The following PLB1 variants were observed in gnomAD, a reference collection of about 807,000 sequenced individuals.
The protein encoded by PLB1 is phospholipase B1, also known as phospholipase B1, membrane-associated.
A neutral mutation model predicts 227.4 loss-of-function variants in PLB1; 242 were observed. That is an observed-to-expected ratio of 1.06 (90% CI 0.96 to 1.18). The LOEUF (loss-of-function observed/expected upper bound fraction) is 1.18. Among genes scored for constraint, PLB1 ranks in the 50% most tolerant of loss-of-function variants. The pLI is 0.00. For missense variants in PLB1, 1,858 were observed against 1,816.3 expected (o/e 1.02, Z -0.42); for synonymous variants, 757 against 682.2 (o/e 1.11, Z -1.71).
intron 51 of PLB1, among the ~76,000 whole-genome samples, chr2:28,626,763 G>A (rs2148334232): frequency 6.6e-6 from 1 of 152,296 alleles, no homozygotes; most frequent in Non-Finnish European, 1.5e-5. Flanking sequence ...CCCACTGTAG[G>A]CACTGCTGAG....
chr2:28,539,301 C>A, intron 11 of PLB1, 123 bp downstream of exon 11: 1 of 871,050 alleles, frequency 1.1e-6, no homozygotes, highest in Non-Finnish European at 1.9e-6. Flanking sequence ...CAAAGGAGGC[C>A]GAGAAACACA....
chr2:28,548,852 C>T lies in PLB1; in HGVS notation c.937-8C>T, dbSNP rs1359051620. 1.5e-5 allele frequency: 24 copies of T among 1,613,950 alleles called. No homozygotes were observed. The highest frequency in any genetic ancestry group is 2.0e-5 in the Non-Finnish European group (24 of 1,179,978). The stretch of plus-strand genomic sequence containing the variant: ...CTTCCCTGTTCTAAAGCCCACGTTC[C>T]TTTCTAGATGGAGCCAGCAGGAGAG... On this transcript the variant is annotated splice_region_variant and splice_polypyrimidine_tract_variant and intron_variant, in intron 14 of 57. Transcript: ENST00000327757.
At position 28,589,456 on chromosome 2, in the gene PLB1, A is replaced by T. The variant is rs146254449; in HGVS notation, c.1822A>T (p.Thr608Ser). The T allele has an allele frequency of 3.0e-5, 49 of 1,613,928 alleles. No individual in the cohort carries two copies. The African/African-American group carries it at 6.4e-4, about 21-fold the overall frequency. The change falls in exon 27 of 58, where the codon ACC (threonine) becomes TCC (serine). Residue 608 changes from threonine (T) to serine (S), a missense_variant. Transcript: ENST00000327757. ...IEFNKKFQEK[T>S]HQLIESGRYD... is the part of the protein sequence containing the mutation. ...TCCCCTTTTCCTCCTGCAGGAGAAG[A>T]CCCACCAACTGATTGAGAGTGGGCG...
intron 9 of PLB1, 54 bp from the exon 10 acceptor site, chr2:28,538,265 C>A (rs974830683): frequency 6.2e-7 from 1 of 1,612,502 alleles, no homozygotes; most frequent in Non-Finnish European, 8.5e-7. Flanking sequence ...TGGGTGGCCT[C>A]ACCTCGTGGT....
intron 13 of PLB1, among the ~76,000 whole-genome samples, chr2:28,542,209 C>T (rs369738812): frequency 1.7e-4 from 26 of 152,082 alleles, no homozygotes; most frequent in Non-Finnish European, 3.2e-4. Context: ...CCCCCTCTTC[C>T]ACCTTACCCC....
chr2:28,522,977 C>T (rs1013445117), intron 4 of PLB1, among the ~76,000 whole-genome samples: 1 of 152,192 alleles, frequency 6.6e-6, no homozygotes, highest in African/African-American at 2.4e-5. Flanking sequence ...GCTGACATCT[C>T]TGCCTTGAGT....
chr2:28,548,656 C>T (rs969020238), intron 14 of PLB1: 24 of 635,766 alleles, frequency 3.8e-5, no homozygotes, highest in Admixed American at 6.8e-5. Context: ...GCATCAGAAT[C>T]GCCTGGAGAG....
chr2:28,578,125 C>T lies in PLB1; in HGVS notation c.1452C>T (p.Ala484=), dbSNP rs1679305267. 6.2e-7 allele frequency: 1 copy of T among 1,614,142 alleles called. No homozygotes were observed. Among genetic ancestry groups the T allele is most frequent in the Non-Finnish European group, 8.5e-7 (1 of 1,179,994 alleles). Reference sequence around the variant, plus strand: ...TCCACAGGGATCTACCTGTCCAGGCCAGGAGGCTGGTGGACCTGATGAAGA... The same window carrying T: ...TCCACAGGGATCTACCTGTCCAGGCTAGGAGGCTGGTGGACCTGATGAAGA... ...GGRAEDLPVQ[A]RRLVDLMKND... Residue 484 remains alanine (A), a synonymous_variant, in exon 22 of 58, where the codon GCC becomes GCT. Transcript: ENST00000327757.
intron 49 of PLB1, among the ~76,000 whole-genome samples, chr2:28,623,869 A>G (rs988574395): frequency 1.3e-5 from 2 of 152,238 alleles, no homozygotes; most frequent in African/African-American, 4.8e-5. Context: ...TGGGAGGCCA[A>G]GGTAGGCAGA....
chr2:28,608,870 A>G (rs1204197503), intron 43 of PLB1, among the ~76,000 whole-genome samples: 1 of 151,968 alleles, frequency 6.6e-6, no homozygotes, highest in Non-Finnish European at 1.5e-5. Flanking sequence ...AGTCTTGAAA[A>G]TGTAGATATT....
chr2:28,529,431 C>A (rs1432155225), intron 7 of PLB1, 24 bp downstream of exon 7: 2 of 1,545,612 alleles, frequency 1.3e-6, no homozygotes, highest in Non-Finnish European at 1.8e-6. Flanking sequence ...CTGTCTCTCT[C>A]TGAGGTTATG....
At chr2:28,629,040 G>C (rs750277257) in intron 52 of PLB1, 54 bp from the exon 53 acceptor site, 5 of 1,484,342 alleles carry the variant, frequency 3.4e-6, no homozygotes, top group Non-Finnish European at 4.6e-6. Flanking sequence ...TGACCCCCAG[G>C]TTCCTCCCAG....
intron 4 of PLB1, among the ~76,000 whole-genome samples, chr2:28,524,466 C>G (rs1162130477): frequency 6.6e-6 from 1 of 152,232 alleles, no homozygotes; most frequent in African/African-American, 2.4e-5. Context: ...AGGGGGAAAT[C>G]GGAAACTTAC....
intron 37 of PLB1, 114 bp downstream of exon 37, chr2:28,601,446 C>G (rs1490775406): frequency 2.6e-6 from 2 of 762,572 alleles, no homozygotes; most frequent in South Asian, 3.0e-5. Context: ...CCACCTACAC[C>G]TATGTCTGCA....
Position 28,573,223 on chromosome 2 carries a change from C to T in PLB1, c.1351C>T (p.Leu451=). Reference sequence around the variant, plus strand: ...CATCCTCCGGGAATTCAACCCTTCCCTGAAGGGCTTCTCTGTTGGCACTGG... The same window carrying T: ...CATCCTCCGGGAATTCAACCCTTCCTTGAAGGGCTTCTCTGTTGGCACTGG... ...ANILREFNPS[L]KGFSVGTGKE... Residue 451 remains leucine (L), a synonymous_variant, in exon 21 of 58, where the codon CTG becomes TTG. Transcript: ENST00000327757. 1.2e-6 allele frequency: 2 copies of T among 1,614,100 alleles called. No homozygotes were observed. Among genetic ancestry groups the T allele is most frequent in the South Asian group, 2.2e-5 (2 of 91,072 alleles).
chr2:28,549,924 A>G (rs890779793), intron 15 of PLB1, 86 bp from the exon 16 acceptor site: 3 of 1,182,360 alleles, frequency 2.5e-6, no homozygotes, highest in African/African-American at 3.1e-5. Context: ...CTAGTTGGCC[A>G]AAAGCATCAC....
chr2:28,632,956 G>T lies in PLB1; in HGVS notation c.4015G>T (p.Asp1339Tyr), dbSNP rs199917491. 8.1e-6 allele frequency: 13 copies of T among 1,605,858 alleles called. No homozygotes were observed. The African/African-American group carries it at 1.8e-4, about 22-fold the overall frequency. The change falls in exon 56 of 58, where the codon GAC becomes TAC. Residue 1339 changes from aspartate to tyrosine, a missense_variant. Asp to Tyr is a radical substitution (Grantham distance 160). Coordinates refer to ENST00000327757, the MANE Select transcript of PLB1 (RefSeq NM_153021.5). ...CCGTTGGTTGCAGAGAGGGGACACTGACCTCACCTTCTTCTCCGAGGACTG... is the reference window on the plus strand; with the variant it reads ...CCGTTGGTTGCAGAGAGGGGACACTTACCTCACCTTCTTCTCCGAGGACTG... ...LTPLNERGDT[D>Y]LTFFSEDCFH...
At chr2:28,529,687 A>G in intron 7 of PLB1, 41 bp from the exon 8 acceptor site, 2 of 1,598,548 alleles carry the variant, frequency 1.3e-6, no homozygotes, top group Non-Finnish European at 1.7e-6. Flanking sequence ...TAACAAAATA[A>G]TATTTAGCCA....
At chr2:28,625,450 A>G (rs1258054291) in intron 50 of PLB1, among the ~76,000 whole-genome samples, 1 of 152,074 alleles carries the variant, frequency 6.6e-6, no homozygotes, top group Non-Finnish European at 1.5e-5. Flanking sequence ...TAGGCTTCTC[A>G]TTCCAATCCA....
Sources: gnomAD v4.1 joint callset for allele counts (sites outside exome capture counted in the v4.1 genomes callset) on GRCh38, gnomAD v4.1.1 for gene constraint, MANE v1.5 for transcripts, NCBI Gene and HGNC (gene_info 2026-07-23, HGNC 2026-07-21) for gene names.